The following DNAAF10 variants were observed in gnomAD, a reference collection of about 807,000 sequenced individuals.
DNAAF10 encodes the protein dynein axonemal assembly factor 10.
In DNAAF10, 28 loss-of-function variants were observed where a neutral mutation model predicts 43.7. The ratio of observed to expected loss-of-function variants is 0.64; its 90% CI spans 0.48 to 0.88. The LOEUF is 0.88. Ranked by LOEUF, DNAAF10 falls within the 40% of genes least tolerant of loss-of-function variation. The probability of loss-of-function intolerance (pLI) is 0.00; values close to 1 mark genes in which losing one functional copy is unlikely to be tolerated. For synonymous variants in DNAAF10, 156 were observed against 157.3 expected, an observed-to-expected ratio of 0.99 and a Z score of 0.06; for missense variants, 403 against 439.1, an observed-to-expected ratio of 0.92 and a Z score of 0.73.
At chr2:68,157,156 C>T (rs1673644245) in intron 1 of DNAAF10, 105 bp downstream of exon 1, 2 of 1,457,590 alleles carry the variant, frequency 1.4e-6, no homozygotes, top group African/African-American at 1.4e-5. Context: ...CGGCTCAAGC[C>T]ATGCTTTGGG....
chr2:68,144,188 G>A (rs1673257990), intron 3 of DNAAF10, among the ~76,000 whole-genome samples: 1 of 152,116 alleles, frequency 6.6e-6, no homozygotes, highest in South Asian at 2.1e-4. Flanking sequence ...TTTTCAAGCA[G>A]CTGTCAATAT....
chr2:68,131,018 C>T lies in DNAAF10; in HGVS notation c.*220G>A. 2.4e-6 allele frequency: 1 copy of T among 408,930 alleles called. No homozygotes were observed. Among genetic ancestry groups the T allele is most frequent in the Admixed American group, 3.5e-5 (1 of 28,496 alleles). 25.3% of individuals were successfully genotyped at this position (408,930 alleles called of 1,614,324 possible). A position where few individuals can be genotyped will look rare whatever the true frequency, so the allele number is the denominator to read the frequency against. On this transcript the variant is annotated 3_prime_UTR_variant, in exon 8 of 8. Transcript: ENST00000295121. ...GCAACCTCCGCCTCCCGGGTTCACG[C>T]CATTCTCCTGCCTCAGCCTCCCAAG...
Position 68,131,175 on chromosome 2 carries a change from CCCA to C in DNAAF10, c.*60_*62del. The C allele has an allele frequency of 6.4e-7, 1 of 1,567,998 alleles. No homozygotes were observed. Among genetic ancestry groups the C allele is most frequent in the South Asian group, 1.1e-5 (1 of 89,848 alleles). On this transcript the variant is annotated 3_prime_UTR_variant, in exon 8 of 8. Coordinates refer to ENST00000295121, the MANE Select transcript of DNAAF10 (RefSeq NM_138458.4). Reference sequence around the variant, plus strand: ...CCTTCTGATCCACCCGCCTCGGCCTCCCAAAGTGCTGGGATTACAGGAGTGAGC... The same window carrying C: ...CCTTCTGATCCACCCGCCTCGGCCTCAAGTGCTGGGATTACAGGAGTGAGC...
Position 68,130,107 on chromosome 2 carries a change from GAGAGAGAGAT to G in DNAAF10, c.*1121_*1130del, listed in dbSNP as rs1443233802. ...ATCTAGACCAACCGTGCCGTTTTGA[GAGAGAGAGAT>G]ATATATATATATATTTGTTTTTTTT... On this transcript the variant is annotated 3_prime_UTR_variant, in exon 8 of 8. Transcript: ENST00000295121. The G allele has an allele frequency of 2.5e-5, 3 of 120,390 alleles. No individual in the cohort carries two copies. The highest frequency in any genetic ancestry group is 4.2e-5 in the African/African-American group (1 of 23,964). The allele number at this position is 120,390 out of a possible 1,614,324, so 7.5% of individuals were successfully genotyped here. A position where few individuals can be genotyped will look rare whatever the true frequency, so the allele number is the denominator to read the frequency against.
chr2:68,152,314 G>C (rs544731843), intron 1 of DNAAF10, among the ~76,000 whole-genome samples: 1 of 152,148 alleles, frequency 6.6e-6, no homozygotes, highest in Admixed American at 6.5e-5. Flanking sequence ...TATCTTCAAC[G>C]TATTAAACGT....
chr2:68,147,597 T>C lies in DNAAF10; in HGVS notation c.184-30A>G, dbSNP rs1174484221. 12 of 1,506,694 alleles carry C rather than the reference T, an allele frequency of 8.0e-6. No homozygotes were observed. In the African/African-American group the frequency reaches 1.1e-4, roughly 14 times the overall value. 93.3% of individuals were successfully genotyped at this position (1,506,694 alleles called of 1,614,324 possible). On this transcript the variant is annotated intron_variant, in intron 1 of 7. Coordinates refer to ENST00000295121, the MANE Select transcript of DNAAF10 (RefSeq NM_138458.4). ...ATAGAAGGGAGGAAGAGAGGATATA[T>C]TATTTATGTAAGCAGATATTTATAA...
chr2:68,145,869 T>C (rs1293675743), intron 2 of DNAAF10, among the ~76,000 whole-genome samples: 1 of 152,216 alleles, frequency 6.6e-6, no homozygotes, highest in Non-Finnish European at 1.5e-5. Context: ...AATAATTTAG[T>C]TTTCAATAAC....
At chr2:68,157,195 G>A (rs1305716462) in intron 1 of DNAAF10, 66 bp downstream of exon 1, 2 of 1,540,384 alleles carry the variant, frequency 1.3e-6, no homozygotes, top group Non-Finnish European at 1.7e-6. Flanking sequence ...CTGGCAAAGA[G>A]GAATGCAGAC....
intron 7 of DNAAF10, among the ~76,000 whole-genome samples, chr2:68,132,463 C>T (rs547575757): frequency 3.7e-4 from 57 of 152,266 alleles, no homozygotes; most frequent in African/African-American, 1.4e-3. Flanking sequence ...GCAAAGGCTG[C>T]AGTTATTTAG....
At chr2:68,133,217 GTTGTTTGT>G (rs893613421) in intron 7 of DNAAF10, among the ~76,000 whole-genome samples, 3 of 152,014 alleles carry the variant, frequency 2.0e-5, no homozygotes, top group Admixed American at 6.6e-5. Context: ...AACCATATTG[GTTGTTTGT>G]TTGTTTGTTT....
intron 3 of DNAAF10, among the ~76,000 whole-genome samples, chr2:68,143,932 C>T (rs1278801329): frequency 6.6e-6 from 1 of 152,150 alleles, no homozygotes; most frequent in Non-Finnish European, 1.5e-5. Context: ...TCTCACTTTT[C>T]CTTTAAAGCA....
At chr2:68,156,679 T>C (rs758042461) in intron 1 of DNAAF10, among the ~76,000 whole-genome samples, 3 of 152,218 alleles carry the variant, frequency 2.0e-5, no homozygotes, top group Admixed American at 1.3e-4. Context: ...TTCCCATCAC[T>C]GAGCTTCTGC....
intron 5 of DNAAF10, 107 bp downstream of exon 5, chr2:68,138,635 G>A (rs1354471354): frequency 1.3e-6 from 1 of 780,378 alleles, no homozygotes; most frequent in Non-Finnish European, 2.2e-6. Context: ...ACCGTTGGCA[G>A]AGGGGTTGAC....
chr2:68,145,014 T>C (rs1172310536), intron 2 of DNAAF10, among the ~76,000 whole-genome samples: 1 of 152,094 alleles, frequency 6.6e-6, no homozygotes, highest in African/African-American at 2.4e-5. Flanking sequence ...GGTTTGCTTG[T>C]TGATAAACGT....
At chr2:68,134,561 G>A in intron 7 of DNAAF10, 141 bp downstream of exon 7, 1 of 1,495,978 alleles carries the variant, frequency 6.7e-7, no homozygotes, top group South Asian at 1.3e-5. Flanking sequence ...TAGAAAACAA[G>A]TTATGTAACA....
At chr2:68,149,459 G>A (rs1572926199) in intron 1 of DNAAF10, among the ~76,000 whole-genome samples, 1 of 152,306 alleles carries the variant, frequency 6.6e-6, no homozygotes, top group East Asian at 1.9e-4. Flanking sequence ...TAATGCACAA[G>A]TGGACTGAGA....
At position 68,130,131 on chromosome 2, in the gene DNAAF10, T is replaced by TATATATATATA. The variant is rs1553397043; in HGVS notation, c.*1106_*1107insTATATATATAT. ...AGAGAGAGAGATATATATATATATA[T>TATATATATATA]TTGTTTTTTTTTTTTTTGAGACGGA... On this transcript the variant is annotated 3_prime_UTR_variant, in exon 8 of 8. Transcript: ENST00000295121. The TATATATATATA allele has an allele frequency of 3.0e-5, 4 of 131,358 alleles. No individual in the cohort carries two copies. Among genetic ancestry groups the TATATATATATA allele is most frequent in the African/African-American group, 1.2e-4 (4 of 34,374 alleles). The allele number at this position is 131,358 out of a possible 1,614,324, so 8.1% of individuals were successfully genotyped here.
intron 2 of DNAAF10, among the ~76,000 whole-genome samples, chr2:68,146,388 T>C (rs965409326): frequency 1.3e-5 from 2 of 152,232 alleles, no homozygotes; most frequent in African/African-American, 2.4e-5. Context: ...TACTATTTTA[T>C]AGACTTTAAA....
chr2:68,149,810 GC>G (rs1490906150), intron 1 of DNAAF10, among the ~76,000 whole-genome samples: 2 of 152,146 alleles, frequency 1.3e-5, no homozygotes, highest in Admixed American at 6.5e-5. Flanking sequence ...CCTGGGTCTT[GC>G]CAGCTCTAAG....
Sources: gnomAD v4.1 joint callset for allele counts (sites outside exome capture counted in the v4.1 genomes callset) on GRCh38, gnomAD v4.1.1 for gene constraint, MANE v1.5 for transcripts, NCBI Gene and HGNC (gene_info 2026-07-23, HGNC 2026-07-21) for gene names.